The following RABGAP1L variants were observed in gnomAD, a reference collection of about 807,000 sequenced individuals.
RABGAP1L encodes the protein RAB GTPase activating protein 1 like, also known as rab GTPase-activating protein 1-like.
Under a neutral mutation model 137.7 loss-of-function variants are expected in RABGAP1L, and 63 were observed. That is an observed-to-expected ratio of 0.46 (90% CI 0.37 to 0.56). RABGAP1L has a LOEUF of 0.56. Among genes scored for constraint, RABGAP1L ranks in the 20% least tolerant of loss-of-function variants. RABGAP1L has a pLI of 0.00. For missense variants in RABGAP1L, 1,095 were observed against 1,244.0 expected, an observed-to-expected ratio of 0.88 and a Z score of 1.80; for synonymous variants, 431 against 433.7, an observed-to-expected ratio of 0.99 and a Z score of 0.08.
intron 21 of RABGAP1L, among the ~76,000 whole-genome samples, chr1:174,970,686 T>C (rs1670055242): frequency 6.6e-6 from 1 of 152,064 alleles, no homozygotes; most frequent in African/African-American, 2.4e-5. Context: ...ATGAGGAAAC[T>C]ATATAGATGA....
At chr1:174,333,222 G>A (rs944107657) in intron 11 of RABGAP1L, among the ~76,000 whole-genome samples, 1 of 152,260 alleles carries the variant, frequency 6.6e-6, no homozygotes, top group East Asian at 1.9e-4. Context: ...TTACAGTTAG[G>A]TAAGAGGAAT....
chr1:174,764,043 A>G lies in RABGAP1L; in HGVS notation c.2211+11689A>G, dbSNP rs184047975. On this transcript the variant is annotated intron_variant, in intron 18 of 25. Coordinates refer to ENST00000681986, the MANE Select transcript of RABGAP1L (RefSeq NM_001366446.1). ...GATTTACCTATTCTGAACATTTCAT[A>G]TAAATGGGATCATATGATAAGTGGT... is the stretch of plus-strand genomic sequence containing the variant. 2.2e-4 allele frequency among the ~76,000 whole-genome samples: 34 copies of G among 152,292 alleles called. No homozygotes were observed. In the East Asian group the frequency reaches 6.2e-3, roughly 28 times the overall value.
At chr1:174,747,334 T>A (rs773745069) in intron 17 of RABGAP1L, among the ~76,000 whole-genome samples, 9 of 149,722 alleles carry the variant, frequency 6.0e-5, no homozygotes, top group Non-Finnish European at 1.0e-4. Context: ...CCTGGGAGGT[T>A]GAGGCTGCAG....
chr1:174,312,080 C>T (rs1422899020), intron 11 of RABGAP1L, among the ~76,000 whole-genome samples: 1 of 152,184 alleles, frequency 6.6e-6, no homozygotes, highest in African/African-American at 2.4e-5. Flanking sequence ...TTTTGCTACA[C>T]TGATTTCCTT....
chr1:174,448,357 G>T lies in RABGAP1L; in HGVS notation c.1710+54212G>T. The T allele has an allele frequency of 6.2e-7, 1 of 1,613,858 alleles. No homozygotes were observed. The highest frequency in any genetic ancestry group is 8.5e-7 in the Non-Finnish European group (1 of 1,179,826). On this transcript the variant is annotated intron_variant, in intron 13 of 25. Coordinates refer to ENST00000681986, the MANE Select transcript of RABGAP1L (RefSeq NM_001366446.1). The surrounding 1 kb of genome is among the most constrained non-coding windows in gnomAD (Gnocchi z 4.2). ...ATACTACCAGCTATTTCATTCAGAC[G>T]ATGGCATATGCTGATCTTTTCGTTG...
chr1:174,506,352 G>A (rs1206024943), intron 13 of RABGAP1L, among the ~76,000 whole-genome samples: 2 of 151,998 alleles, frequency 1.3e-5, no homozygotes, highest in Non-Finnish European at 2.9e-5. Context: ...GAGGTTATAC[G>A]GCCCACAAAG....
Position 174,196,972 on chromosome 1 carries a change from C to G in RABGAP1L, c.-33-22153C>G, listed in dbSNP as rs187264130. On this transcript the variant is annotated intron_variant, in intron 1 of 25. Transcript: ENST00000681986. ...TTTTATAACAAAGGTAGATATAGATCATATTAAATTTTTGATTTAAGAAAA... is the reference window on the plus strand; with the variant it reads ...TTTTATAACAAAGGTAGATATAGATGATATTAAATTTTTGATTTAAGAAAA... 3.3e-3 allele frequency among the ~76,000 whole-genome samples: 501 copies of G among 152,172 alleles called. 2 individuals carry two copies. The highest frequency in any genetic ancestry group is 0.02 in the South Asian group (98 of 4,810).
intron 14 of RABGAP1L, among the ~76,000 whole-genome samples, chr1:174,683,058 GTTTTTTT>G (rs35576869): frequency 9.0e-6 from 1 of 111,640 alleles, no homozygotes; most frequent in African/African-American, 3.5e-5. Context: ...TTCTAAAGGG[GTTTTTTT>G]TTTTTTTTTT....
chr1:174,941,655 G>T (rs1030344239), intron 19 of RABGAP1L, among the ~76,000 whole-genome samples: 4 of 151,180 alleles, frequency 2.6e-5, no homozygotes, highest in African/African-American at 9.8e-5. Context: ...TGGAGGCACT[G>T]ATATATACCC....
chr1:174,482,451 T>G (rs1391318337), intron 13 of RABGAP1L, among the ~76,000 whole-genome samples: 1 of 152,188 alleles, frequency 6.6e-6, no homozygotes, highest in Non-Finnish European at 1.5e-5. Flanking sequence ...GTTATCCCAG[T>G]GAAGAAGGAG....
At chr1:174,343,915 T>A (rs1682206584) in intron 11 of RABGAP1L, among the ~76,000 whole-genome samples, 2 of 152,154 alleles carry the variant, frequency 1.3e-5, no homozygotes, top group African/African-American at 2.4e-5. Flanking sequence ...CCCCTAGAAG[T>A]CTCTTCCTTT....
intron 13 of RABGAP1L, among the ~76,000 whole-genome samples, chr1:174,582,894 A>G (rs886530773): frequency 6.6e-6 from 1 of 152,162 alleles, no homozygotes; most frequent in Non-Finnish European, 1.5e-5. Context: ...TGCTTTAATA[A>G]TTCAGGTTGG....
chr1:174,663,616 G>C (rs1676551582), intron 14 of RABGAP1L, among the ~76,000 whole-genome samples: 1 of 152,096 alleles, frequency 6.6e-6, no homozygotes, highest in African/African-American at 2.4e-5. Context: ...ACACACACGT[G>C]GTTGATCCTC....
intron 18 of RABGAP1L, among the ~76,000 whole-genome samples, chr1:174,777,820 T>C (rs901609870): frequency 6.6e-6 from 1 of 151,994 alleles, no homozygotes; most frequent in Non-Finnish European, 1.5e-5. Context: ...CTTGAAAACA[T>C]AGCAATTGAA....
At chr1:174,501,612 G>A (rs1226690643) in intron 13 of RABGAP1L, among the ~76,000 whole-genome samples, 2 of 152,170 alleles carry the variant, frequency 1.3e-5, no homozygotes, top group African/African-American at 4.8e-5. Flanking sequence ...ACAGTAGTAA[G>A]TTGTCATTTT....
intron 13 of RABGAP1L, among the ~76,000 whole-genome samples, chr1:174,413,683 A>G (rs977721758): frequency 2.6e-5 from 4 of 150,966 alleles, no homozygotes; most frequent in Non-Finnish European, 3.0e-5. Flanking sequence ...CCCTTTCTCT[A>G]TGGGTGAGAC....
intron 18 of RABGAP1L, among the ~76,000 whole-genome samples, chr1:174,760,701 T>G (rs1685150224): frequency 1.3e-5 from 2 of 152,330 alleles, no homozygotes; most frequent in Admixed American, 1.3e-4. Flanking sequence ...ATGGGATGGC[T>G]GGATCAAATG....
intron 13 of RABGAP1L, among the ~76,000 whole-genome samples, chr1:174,516,120 T>TATACAC (rs763907969): frequency 7.7e-4 from 102 of 133,292 alleles, no homozygotes; most frequent in African/African-American, 2.9e-3. Context: ...ACTGAAGCTC[T>TATACAC]ACACACACAC....
chr1:174,852,689 G>A (rs895635633), intron 19 of RABGAP1L, among the ~76,000 whole-genome samples: 2 of 151,990 alleles, frequency 1.3e-5, no homozygotes, highest in Non-Finnish European at 2.9e-5. Context: ...GTTGGCATGG[G>A]CCTGTAATCC....
Sources: gnomAD v4.1 joint callset for allele counts (sites outside exome capture counted in the v4.1 genomes callset) on GRCh38, gnomAD v4.1.1 for gene constraint, Gnocchi (gnomAD v3.1) non-coding constraint, MANE v1.5 for transcripts, NCBI Gene and HGNC (gene_info 2026-07-23, HGNC 2026-07-21) for gene names.